The following RBPJ variants were observed in gnomAD, a reference collection of about 807,000 sequenced individuals.
RBPJ encodes the protein recombining binding protein suppressor of hairless.
In RBPJ, 9 loss-of-function variants were observed where a neutral mutation model predicts 67.8. The observed-to-expected ratio is 0.13, with a 90% CI of 0.08 to 0.23. The LOEUF (loss-of-function observed/expected upper bound fraction) is 0.23, where lower values mean the gene tolerates loss of function less well. RBPJ is among the 10% of genes least tolerant of loss of function. The pLI, the probability that RBPJ is intolerant of heterozygous loss-of-function variation, is 1.00. For missense variants in RBPJ, 305 were observed against 595.6 expected, an observed-to-expected ratio of 0.51 and a Z score of 5.08; for synonymous variants, 198 against 203.3, an observed-to-expected ratio of 0.97 and a Z score of 0.22.
chr4:26,392,529 A>G (rs1025629477), intron 2 of RBPJ, among the ~76,000 whole-genome samples: 18 of 152,232 alleles, frequency 1.2e-4, no homozygotes, highest in African/African-American at 4.3e-4. Context: ...GGATCTTAAA[A>G]TAATTATATT....
At chr4:26,252,533 C>A (rs1720149159) in intron 1 of RBPJ, among the ~76,000 whole-genome samples, 1 of 152,020 alleles carries the variant, frequency 6.6e-6, no homozygotes, top group African/African-American at 2.4e-5. Flanking sequence ...GTGCAGAGAG[C>A]CAGGATTGTG....
chr4:26,392,528 A>G (rs1731612577), intron 2 of RBPJ, among the ~76,000 whole-genome samples: 1 of 152,230 alleles, frequency 6.6e-6, no homozygotes, highest in South Asian at 2.1e-4. Flanking sequence ...TGGATCTTAA[A>G]ATAATTATAT....
chr4:26,223,186 T>C (rs1411880224), intron 1 of RBPJ, among the ~76,000 whole-genome samples: 1 of 151,168 alleles, frequency 6.6e-6, no homozygotes, highest in Non-Finnish European at 1.5e-5. Context: ...TATACTTTAA[T>C]TAATGTTTGA....
At chr4:26,345,444 A>G (rs900207853) in intron 1 of RBPJ, among the ~76,000 whole-genome samples, 1 of 152,232 alleles carries the variant, frequency 6.6e-6, no homozygotes, top group Non-Finnish European at 1.5e-5. Context: ...TTGGTCCCCA[A>G]AAGCGCCTAC....
rs1405123284 is a variant in RBPJ, at chr4:26,306,859, G to A, written c.-166-55587G>A. 4.0e-5 allele frequency among the ~76,000 whole-genome samples: 6 copies of A among 151,854 alleles called. No homozygotes were observed. In the South Asian group the frequency reaches 1.0e-3, roughly 26 times the overall value. ...GCCACTCACTGTTACTTGTTTGTAG[G>A]ATTTTTTAAAAATTAAATATATTAA... is the stretch of plus-strand genomic sequence containing the variant. On this transcript the variant is annotated intron_variant, in intron 1 of 4. Coordinates refer to the RBPJ transcript ENST00000512351.
intron 1 of RBPJ, among the ~76,000 whole-genome samples, chr4:26,381,281 A>G (rs886181967): frequency 6.6e-6 from 1 of 152,056 alleles, no homozygotes; most frequent in African/African-American, 2.4e-5. Flanking sequence ...GGAGAAAACA[A>G]TACCTCCTCT....
upstream of RBPJ, among the ~76,000 whole-genome samples, chr4:26,161,941 A>C (rs964140033): frequency 6.6e-6 from 1 of 152,264 alleles, no homozygotes. Flanking sequence ...TGGTAAGGAG[A>C]ATAGAATACT....
At chr4:26,184,804 T>C (rs1446190973) in intron 1 of RBPJ, among the ~76,000 whole-genome samples, 2 of 152,116 alleles carry the variant, frequency 1.3e-5, no homozygotes, top group Admixed American at 1.3e-4. Context: ...GAAGGCACAG[T>C]AATAGATACC....
chr4:26,210,445 C>T (rs1718344721), intron 1 of RBPJ, among the ~76,000 whole-genome samples: 1 of 152,124 alleles, frequency 6.6e-6, no homozygotes, highest in South Asian at 2.1e-4. Flanking sequence ...CAGCAGAGGG[C>T]AATCGCATCA....
chr4:26,355,523 T>G lies in RBPJ; in HGVS notation c.21-30830T>G, dbSNP rs181845653. On this transcript the variant is annotated intron_variant, in intron 1 of 10. Coordinates refer to ENST00000355476, the MANE Select transcript of RBPJ (RefSeq NM_015874.6). ...AAAAAAATGGGTGTGGGGGTGCATGTCTGTAGTCCCAGCCACACAGGAGGA... is the reference window on the plus strand; with the variant it reads ...AAAAAAATGGGTGTGGGGGTGCATGGCTGTAGTCCCAGCCACACAGGAGGA... 7.3e-5 allele frequency among the ~76,000 whole-genome samples: 11 copies of G among 150,332 alleles called. No homozygotes were observed. In the East Asian group the frequency reaches 2.1e-3, roughly 29 times the overall value.
At chr4:26,329,194 T>C (rs1723973971) in intron 1 of RBPJ, among the ~76,000 whole-genome samples, 1 of 152,178 alleles carries the variant, frequency 6.6e-6, no homozygotes. Flanking sequence ...GGTTTCTCCA[T>C]GTTGGTGAGA....
intron 1 of RBPJ, among the ~76,000 whole-genome samples, chr4:26,201,895 C>A (rs1480686162): frequency 1.1e-4 from 17 of 152,190 alleles, no homozygotes; most frequent in Non-Finnish European, 1.5e-5. Flanking sequence ...GGCCCTCCAT[C>A]CATCATTTCA....
At chr4:26,229,639 A>C (rs903360301) in intron 1 of RBPJ, among the ~76,000 whole-genome samples, 4 of 152,198 alleles carry the variant, frequency 2.6e-5, no homozygotes, top group African/African-American at 9.7e-5. Flanking sequence ...CTGGGTTTAC[A>C]TCCCATCTCT....
At chr4:26,316,822 G>T (rs1348398306), upstream of RBPJ, among the ~76,000 whole-genome samples, 3 of 87,034 alleles carry the variant, frequency 3.4e-5, no homozygotes, top group African/African-American at 8.6e-5. Context: ...GTCTAACCCA[G>T]ACGACTTTTT....
chr4:26,222,557 G>T (rs1323127451), intron 1 of RBPJ, among the ~76,000 whole-genome samples: 2 of 142,174 alleles, frequency 1.4e-5, no homozygotes, highest in Non-Finnish European at 1.5e-5. Context: ...ATCCTGATTT[G>T]ATTTTTATAC....
chr4:26,303,812 T>C (rs755520040), intron 1 of RBPJ, among the ~76,000 whole-genome samples: 12 of 152,188 alleles, frequency 7.9e-5, no homozygotes, highest in Non-Finnish European at 1.5e-4. Context: ...AAGCAAAGCA[T>C]GTAATTGAAT....
At chr4:26,192,729 C>T (rs1203982487) in intron 1 of RBPJ, among the ~76,000 whole-genome samples, 1 of 152,198 alleles carries the variant, frequency 6.6e-6, no homozygotes, top group South Asian at 2.1e-4. Flanking sequence ...TTAACCATCA[C>T]CACACATTGC....
chr4:26,206,670 G>T (rs748407993), intron 1 of RBPJ, among the ~76,000 whole-genome samples: 1 of 148,250 alleles, frequency 6.7e-6, no homozygotes, highest in African/African-American at 2.5e-5. Context: ...TTGTTTATAA[G>T]ATATAATTTT....
chr4:26,307,228 A>T (rs1560254322), intron 1 of RBPJ, among the ~76,000 whole-genome samples: 1 of 152,186 alleles, frequency 6.6e-6, no homozygotes, highest in South Asian at 2.1e-4. Context: ...AGAGGGCTTG[A>T]GACAGTGCAG....
Sources: allele counts gnomAD v4.1 joint callset (sites outside exome capture counted in the v4.1 genomes callset), GRCh38; gene constraint gnomAD v4.1.1; transcripts MANE v1.5; gene names NCBI Gene and HGNC (gene_info 2026-07-23, HGNC 2026-07-21).